Variants in KCNIP4 observed in about 807,000 individuals in gnomAD.
KCNIP4 encodes Kv channel-interacting protein 4.
In KCNIP4, 12 loss-of-function variants were observed where a neutral mutation model predicts 34.0. The ratio of observed to expected loss-of-function variants is 0.35; its 90% CI spans 0.23 to 0.57. The LOEUF is 0.57. KCNIP4 is among the 20% of genes least tolerant of loss of function. The pLI is 0.83. For synonymous variants in KCNIP4, 124 were observed against 102.2 expected (o/e 1.21, Z -1.29); for missense variants, 238 against 311.7 (o/e 0.76, Z 1.78).
rs867451089 is a variant in KCNIP4 at position 21,239,348 on chromosome 4, T to C, written c.62-356639A>G. Reference sequence around the variant, plus strand: ...TTCATGTCTAAAACACCAAAAGCAATGGCAACAAAAGCCAAAATTGACAAA... The same window carrying C: ...TTCATGTCTAAAACACCAAAAGCAACGGCAACAAAAGCCAAAATTGACAAA... On this transcript the variant is annotated intron_variant, in intron 1 of 8. Transcript: ENST00000382152. Among the ~76,000 whole-genome samples, 7 of 150,922 alleles carry C rather than the reference T, an allele frequency of 4.6e-5. No homozygotes were observed. In the East Asian group the frequency reaches 9.7e-4, roughly 21 times the overall value.
intron 4 of KCNIP4, among the ~76,000 whole-genome samples, chr4:20,756,706 G>T (rs1754496791): frequency 6.6e-6 from 1 of 151,854 alleles, no homozygotes; most frequent in Admixed American, 6.6e-5. Flanking sequence ...GCCCAACAAT[G>T]ACTCCCATGT....
intron 1 of KCNIP4, among the ~76,000 whole-genome samples, chr4:21,379,829 T>C (rs1721314409): frequency 6.6e-6 from 1 of 152,186 alleles, no homozygotes; most frequent in South Asian, 2.1e-4. Flanking sequence ...CATTTTTGCA[T>C]CTTCATGCTT....
chr4:21,223,637 C>T (rs1487620000), intron 1 of KCNIP4, among the ~76,000 whole-genome samples: 3 of 152,150 alleles, frequency 2.0e-5, no homozygotes, highest in Admixed American at 2.0e-4. Context: ...CCCATGTTAT[C>T]AATAAATATT....
At chr4:21,909,105 G>GA (rs1464095087) in intron 1 of KCNIP4, among the ~76,000 whole-genome samples, 11 of 151,494 alleles carry the variant, frequency 7.3e-5, no homozygotes, top group African/African-American at 2.7e-4. Context: ...GAAATGAAAA[G>GA]AAAAAAAGAA....
chr4:20,851,592 C>G (rs1469407835), intron 2 of KCNIP4, among the ~76,000 whole-genome samples: 1 of 149,720 alleles, frequency 6.7e-6, no homozygotes, highest in African/African-American at 2.4e-5. Context: ...GCCTCTAGGT[C>G]TTTGAGGAAT....
chr4:20,943,753 T>C (rs887349738), intron 1 of KCNIP4, among the ~76,000 whole-genome samples: 3 of 152,156 alleles, frequency 2.0e-5, no homozygotes, highest in Admixed American at 6.5e-5. Context: ...ATTGAGACTA[T>C]ATAAGAAACA....
chr4:21,131,309 A>G (rs1751050957), intron 1 of KCNIP4, among the ~76,000 whole-genome samples: 1 of 152,204 alleles, frequency 6.6e-6, no homozygotes, highest in African/African-American at 2.4e-5. Context: ...AAAGTACACT[A>G]TTGTATGTTA....
intron 1 of KCNIP4, among the ~76,000 whole-genome samples, chr4:21,556,025 G>C (rs1182715812): frequency 6.6e-6 from 1 of 152,066 alleles, no homozygotes; most frequent in African/African-American, 2.4e-5. Flanking sequence ...AGTATCTTTT[G>C]GTTTTTTGTG....
At chr4:21,222,347 A>C (rs1758041517) in intron 1 of KCNIP4, among the ~76,000 whole-genome samples, 1 of 152,166 alleles carries the variant, frequency 6.6e-6, no homozygotes, top group Non-Finnish European at 1.5e-5. Flanking sequence ...AGTAAGAGAT[A>C]TTACTTTCTA....
chr4:21,432,967 T>G (rs1289146035), intron 1 of KCNIP4, among the ~76,000 whole-genome samples: 1 of 152,082 alleles, frequency 6.6e-6, no homozygotes, highest in Non-Finnish European at 1.5e-5. Context: ...ACAAGGTCTC[T>G]TGCAAGGGAG....
intron 1 of KCNIP4, among the ~76,000 whole-genome samples, chr4:21,262,290 C>T (rs978486208): frequency 1.3e-5 from 2 of 152,176 alleles, no homozygotes; most frequent in African/African-American, 4.8e-5. Flanking sequence ...GCTCATATCA[C>T]CTTGGGTTGC....
chr4:21,370,840 TATATATATATACACACACACAC>T lies in KCNIP4; in HGVS notation c.62-488153_62-488132del, dbSNP rs1720330433. Reference sequence around the variant, plus strand: ...ATATATATATATATATATATATATATATATATATATACACACACACACACACACACACACACACACACGTGTG... The same window carrying T: ...ATATATATATATATATATATATATATACACACACACACACACACACGTGTG... On this transcript the variant is annotated intron_variant, in intron 1 of 8. Transcript: ENST00000382152. 1.4e-4 allele frequency among the ~76,000 whole-genome samples: 4 copies of T among 28,442 alleles called. No individual in the cohort carries two copies. In the South Asian group the frequency reaches 6.7e-3, roughly 48 times the overall value. 18.7% of individuals were successfully genotyped at this position (28,442 alleles called of 152,430 possible).
At chr4:21,590,624 T>G (rs918759538) in intron 1 of KCNIP4, among the ~76,000 whole-genome samples, 1 of 151,944 alleles carries the variant, frequency 6.6e-6, no homozygotes, top group African/African-American at 2.4e-5. Flanking sequence ...TATACTGAAG[T>G]TGTGTGACAT....
intron 1 of KCNIP4, among the ~76,000 whole-genome samples, chr4:21,412,231 G>T (rs1202283205): frequency 2.0e-5 from 3 of 152,116 alleles, no homozygotes; most frequent in African/African-American, 7.2e-5. Context: ...TCTCCCCTTT[G>T]TTCCTGCTCA....
At chr4:21,466,191 A>G (rs2109790102) in intron 1 of KCNIP4, among the ~76,000 whole-genome samples, 1 of 152,238 alleles carries the variant, frequency 6.6e-6, no homozygotes, top group African/African-American at 2.4e-5. Context: ...GGGTATTAAA[A>G]TCCCAAAACC....
chr4:21,062,359 T>G (rs1743994625), intron 1 of KCNIP4, among the ~76,000 whole-genome samples: 1 of 152,142 alleles, frequency 6.6e-6, no homozygotes, highest in South Asian at 2.1e-4. Flanking sequence ...GCTGAAGTCC[T>G]AGCCTCTAGT....
intron 1 of KCNIP4, among the ~76,000 whole-genome samples, chr4:21,400,156 T>G (rs1723349835): frequency 6.6e-6 from 1 of 151,974 alleles, no homozygotes; most frequent in Non-Finnish European, 1.5e-5. Context: ...CCACTATGAG[T>G]TCAGTTTAAT....
rs186060443 is a variant in KCNIP4, at chr4:21,048,871, G to C, written c.62-166162C>G. ...TCCAGGAAGCACATGCTAGCCACTT[G>C]GGGATGCTGCATGGAGAGAGAGAGA... On this transcript the variant is annotated intron_variant, in intron 1 of 8. Transcript: ENST00000382152. 2.7e-3 allele frequency among the ~76,000 whole-genome samples: 407 copies of C among 151,942 alleles called. 6 individuals carry two copies. The highest frequency in any genetic ancestry group is 6.2e-4 in the Non-Finnish European group (42 of 67,994).
chr4:21,813,662 A>G (rs1320627899), intron 1 of KCNIP4, among the ~76,000 whole-genome samples: 1 of 152,210 alleles, frequency 6.6e-6, no homozygotes, highest in African/African-American at 2.4e-5. Flanking sequence ...ATATAATAAC[A>G]TAGTTGCATA....
Sources: gnomAD v4.1 joint callset for allele counts (sites outside exome capture counted in the v4.1 genomes callset) on GRCh38, gnomAD v4.1.1 for gene constraint, MANE v1.5 for transcripts, NCBI Gene and HGNC (gene_info 2026-07-23, HGNC 2026-07-21) for gene names.